The following FGF12 variants were observed in gnomAD, a reference collection of about 807,000 sequenced individuals.
The protein encoded by FGF12 is fibroblast growth factor 12.
A neutral mutation model predicts 23.6 loss-of-function variants in FGF12; 14 were observed. The ratio of observed to expected loss-of-function variants is 0.59; its 90% CI spans 0.39 to 0.93. FGF12 has a LOEUF of 0.93. Ranked by LOEUF, FGF12 falls within the 40% of genes least tolerant of loss-of-function variation. FGF12 has a pLI of 0.00. For missense variants in FGF12, 175 were observed against 217.8 expected (o/e 0.80, Z 1.24); for synonymous variants, 62 against 77.3 (o/e 0.80, Z 1.04).
At chr3:192,247,303 G>A (rs1711686307) in intron 4 of FGF12, among the ~76,000 whole-genome samples, 1 of 152,176 alleles carries the variant, frequency 6.6e-6, no homozygotes, top group Non-Finnish European at 1.5e-5. Flanking sequence ...GCACTGAAGA[G>A]TTGTTTCGTC....
intron 2 of FGF12, chr3:192,521,502 T>C (rs1193077500): frequency 6.6e-6 from 1 of 152,168 alleles, no homozygotes; most frequent in Non-Finnish European, 1.5e-5. Context: ...TTCAGGATAA[T>C]AAATACTTAT....
At chr3:192,394,684 C>T (rs1720446206) in intron 2 of FGF12, among the ~76,000 whole-genome samples, 1 of 152,164 alleles carries the variant, frequency 6.6e-6, no homozygotes, top group African/African-American at 2.4e-5. Context: ...TTTTCTATCA[C>T]ATCATTTTAC....
At chr3:192,676,435 A>G (rs1717329978) in intron 2 of FGF12, among the ~76,000 whole-genome samples, 1 of 152,236 alleles carries the variant, frequency 6.6e-6, no homozygotes, top group African/African-American at 2.4e-5. Flanking sequence ...TAGAGCTGGC[A>G]AATTAGAGGT....
chr3:192,148,758 G>C (rs1713868145), intron 5 of FGF12, among the ~76,000 whole-genome samples: 1 of 152,122 alleles, frequency 6.6e-6, no homozygotes, highest in Non-Finnish European at 1.5e-5. Flanking sequence ...AAAAACATTA[G>C]TTTTAGAACT....
At chr3:192,631,626 C>T (rs370363473) in intron 2 of FGF12, among the ~76,000 whole-genome samples, 50 of 152,254 alleles carry the variant, frequency 3.3e-4, no homozygotes, top group African/African-American at 1.2e-3. Flanking sequence ...AAATGGCATG[C>T]CACTTCACAC....
chr3:192,234,539 GC>G (rs1443800620), intron 4 of FGF12, among the ~76,000 whole-genome samples: 2 of 152,122 alleles, frequency 1.3e-5, no homozygotes, highest in South Asian at 2.1e-4. Flanking sequence ...TATTTCTCAT[GC>G]CTGATTGTTC....
intron 2 of FGF12, among the ~76,000 whole-genome samples, chr3:192,594,842 G>A (rs77884465): frequency 3.4e-4 from 51 of 151,962 alleles, no homozygotes; most frequent in African/African-American, 1.0e-3. Context: ...ATAAATTGCC[G>A]AATCTGTGAT....
intron 2 of FGF12, among the ~76,000 whole-genome samples, chr3:192,688,435 A>G (rs1257117368): frequency 6.6e-6 from 1 of 152,236 alleles, no homozygotes; most frequent in Non-Finnish European, 1.5e-5. Context: ...TGCACGCATC[A>G]AATGCTACAT....
In FGF12 at chr3:192,727,213, T is replaced by G. The variant is rs368136095; in HGVS notation, c.-20A>C. ...CTCCATTTCGGTCCCTTTCGAGTGC[T>G]GGGAAGTTCAATGGAAGTTGGCCGG... On this transcript the variant is annotated 5_prime_UTR_variant, in exon 2 of 6. Coordinates refer to ENST00000445105, the MANE Select transcript of FGF12 (RefSeq NM_004113.6). 6 of 1,577,044 alleles carry G rather than the reference T, an allele frequency of 3.8e-6. No homozygotes were observed. In the South Asian group the frequency reaches 5.9e-5, roughly 15 times the overall value.
chr3:192,207,002 G>A (rs188537802), intron 4 of FGF12, among the ~76,000 whole-genome samples: 6 of 152,222 alleles, frequency 3.9e-5, no homozygotes, highest in South Asian at 2.1e-4. Context: ...GACATCAGTC[G>A]TGGTGCTAAG....
In FGF12 at chr3:192,360,544, A is replaced by G. The variant is rs992914391; in HGVS notation, c.14-6T>C. ...AATCCCTTTGAGCTGGGGTTCTGCA[A>G]AACAAAATAATTATTCAAATTTTTA... On this transcript the variant is annotated splice_polypyrimidine_tract_variant and splice_region_variant and intron_variant, in intron 2 of 5. Coordinates refer to ENST00000445105, the MANE Select transcript of FGF12 (RefSeq NM_004113.6). This position sits in a 1 kb window ranked among gnomAD's most constrained non-coding sequence, Gnocchi z 4.3. 8 of 1,601,572 alleles carry G rather than the reference A, an allele frequency of 5.0e-6. No homozygotes were observed. Among genetic ancestry groups the G allele is most frequent in the Non-Finnish European group, 6.8e-6 (8 of 1,168,766 alleles).
Position 192,486,056 on chromosome 3 carries a change from T to C in FGF12, c.14-125518A>G, listed in dbSNP as rs78320063. On this transcript the variant is annotated intron_variant, in intron 2 of 5. Coordinates refer to ENST00000445105, the MANE Select transcript of FGF12 (RefSeq NM_004113.6). ...ACGGTTTTTCATTATAAAAAGTGAG[T>C]CCTTTACCTAAGTTCGAGGAACACT... is the stretch of plus-strand genomic sequence containing the variant. Among the ~76,000 whole-genome samples the C allele has an allele frequency of 3.0e-3, 458 of 152,058 alleles. 3 individuals carry two copies. Among genetic ancestry groups the C allele is most frequent in the African/African-American group, 0.011 (451 of 41,504 alleles).
chr3:192,627,985 C>G (rs1004849443), intron 2 of FGF12, among the ~76,000 whole-genome samples: 3 of 151,990 alleles, frequency 2.0e-5, no homozygotes, highest in African/African-American at 7.3e-5. Context: ...TATAAACATA[C>G]TCTCCTTTCC....
At chr3:192,711,447 T>A (rs535479446) in intron 2 of FGF12, among the ~76,000 whole-genome samples, 1 of 151,634 alleles carries the variant, frequency 6.6e-6, no homozygotes, top group South Asian at 2.1e-4. Context: ...CTGGGAGGTG[T>A]ACCCAACAGC....
intron 2 of FGF12, among the ~76,000 whole-genome samples, chr3:192,474,758 C>T (rs1049222100): frequency 6.6e-6 from 1 of 151,724 alleles, no homozygotes; most frequent in African/African-American, 2.4e-5. Flanking sequence ...GGTGATGTGT[C>T]CCTGTAGTCC....
intron 4 of FGF12, among the ~76,000 whole-genome samples, chr3:192,314,638 C>T (rs79351430): frequency 0.043 from 6,501 of 152,252 alleles, 235 homozygotes; most frequent in South Asian, 0.17. Context: ...TGAGGAAATC[C>T]AAACCTCTGA....
rs1189484128 is a variant in FGF12, at chr3:192,141,711, T to C, written c.*2298A>G. 6.6e-6 allele frequency: 1 copy of C among 151,990 alleles called. No homozygotes were observed. Among genetic ancestry groups the C allele is most frequent in the Non-Finnish European group, 1.5e-5 (1 of 67,890 alleles). 9.4% of individuals were successfully genotyped at this position (151,990 alleles called of 1,614,324 possible). On this transcript the variant is annotated 3_prime_UTR_variant, in exon 6 of 6. Transcript: ENST00000445105. ...CTATTTTTTTCATAACAAACTTAAT[T>C]AAATATATTTTGTCATGAAATCATA...
intron 4 of FGF12, chr3:192,282,814 T>C (rs1202707547): frequency 6.6e-6 from 1 of 152,124 alleles, no homozygotes; most frequent in Non-Finnish European, 1.5e-5. Flanking sequence ...TCTACAGAAA[T>C]TGCACAGAGA....
At chr3:192,706,554 G>A (rs77083853) in intron 2 of FGF12, among the ~76,000 whole-genome samples, 2,088 of 152,108 alleles carry the variant, frequency 0.014, 54 homozygotes, top group African/African-American at 0.047. Context: ...AGAAACAATT[G>A]GGAGTAGTCA....
Sources: allele counts gnomAD v4.1 joint callset (sites outside exome capture counted in the v4.1 genomes callset), GRCh38; gene constraint gnomAD v4.1.1; non-coding constraint Gnocchi (gnomAD v3.1); transcripts MANE v1.5; gene names NCBI Gene and HGNC (gene_info 2026-07-23, HGNC 2026-07-21).